The following CCDC149 variants were observed in gnomAD, a reference collection of about 807,000 sequenced individuals.
CCDC149 encodes coiled-coil domain-containing protein 149.
In CCDC149, 45 loss-of-function variants were observed where a neutral mutation model predicts 59.9. The ratio of observed to expected loss-of-function variants is 0.75; its 90% CI spans 0.59 to 0.96. The LOEUF is 0.96. CCDC149 is among the 40% of genes least tolerant of loss of function. The pLI is 0.00. For synonymous variants in CCDC149, 245 were observed against 260.6 expected (o/e 0.94, Z 0.58); for missense variants, 584 against 664.7 (o/e 0.88, Z 1.33).
chr4:24,831,588 C>A lies in CCDC149; in HGVS notation c.883G>T (p.Asp295Tyr). The A allele has an allele frequency of 6.2e-7, 1 of 1,614,100 alleles. No individual in the cohort carries two copies. The highest frequency in any genetic ancestry group is 2.2e-5 in the East Asian group (1 of 44,872). Reference sequence around the variant, plus strand: ...AGGGCTGTTGCCAGAGATTTCAGGTCAGAAATGGACTGCGGAGTAGCTGGG... The same window carrying A: ...AGGGCTGTTGCCAGAGATTTCAGGTAAGAAATGGACTGCGGAGTAGCTGGG... Residue 295 changes from aspartate (D) to tyrosine (Y), a missense_variant, in exon 9 of 13, where the codon GAC becomes TAC. Coordinates refer to ENST00000635206, the MANE Select transcript of CCDC149 (RefSeq NM_001330643.2).
intron 12 of CCDC149, among the ~76,000 whole-genome samples, chr4:24,813,494 A>ATCTATATCTATATATATC (rs1250098770): frequency 1.3e-3 from 9 of 6,950 alleles, no homozygotes; most frequent in African/African-American, 2.0e-3. Context: ...TGGGGAATAT[A>ATCTATATCTATATATATC]TATATATATA....
At chr4:24,871,344 C>T (rs780652993) in intron 3 of CCDC149, among the ~76,000 whole-genome samples, 3 of 152,154 alleles carry the variant, frequency 2.0e-5, no homozygotes, top group Non-Finnish European at 2.9e-5. Context: ...GGTACAGCAT[C>T]AATGAGCACA....
intron 1 of CCDC149, among the ~76,000 whole-genome samples, chr4:24,890,591 C>G (rs903277131): frequency 6.6e-6 from 1 of 152,200 alleles, no homozygotes; most frequent in African/African-American, 2.4e-5. Flanking sequence ...AATCTCCATT[C>G]CTAAATGTGT....
intron 1 of CCDC149, among the ~76,000 whole-genome samples, chr4:24,961,542 C>A (rs576765671): frequency 6.6e-6 from 1 of 152,278 alleles, no homozygotes; most frequent in Admixed American, 6.5e-5. Context: ...AGGCATCATG[C>A]TACCTGACTT....
Position 24,912,801 on chromosome 4 carries a change from G to T in CCDC149, c.63+16C>A. The T allele has an allele frequency of 7.6e-7, 1 of 1,316,142 alleles. No individual in the cohort carries two copies. Among genetic ancestry groups the T allele is most frequent in the African/African-American group, 1.5e-5 (1 of 64,994 alleles). 81.5% of individuals were successfully genotyped at this position (1,316,142 alleles called of 1,614,324 possible). On this transcript the variant is annotated intron_variant, in intron 1 of 12. Transcript: ENST00000635206. ...TCGGCCCGGCCCATCCCGCCTGGCCGGCGCCGCGGCCTCACCTCGCTCACC... is the reference window on the plus strand; with the variant it reads ...TCGGCCCGGCCCATCCCGCCTGGCCTGCGCCGCGGCCTCACCTCGCTCACC...
At chr4:24,954,963 TTAAA>T (rs574970511) in intron 1 of CCDC149, among the ~76,000 whole-genome samples, 112 of 152,344 alleles carry the variant, frequency 7.4e-4, no homozygotes, top group African/African-American at 2.6e-3. Context: ...TAATTATAAA[TTAAA>T]TAATTTCTCT....
At chr4:24,913,246 G>A (rs1272612704), upstream of CCDC149, among the ~76,000 whole-genome samples, 1 of 152,104 alleles carries the variant, frequency 6.6e-6, no homozygotes, top group Non-Finnish European at 1.5e-5. Flanking sequence ...CGCGGGAGGC[G>A]GGCCCCACGG....
rs570109377 is a variant in CCDC149 at position 24,870,097 on chromosome 4, A to T, written c.264+3584T>A. Among the ~76,000 whole-genome samples, 3 of 152,358 alleles carry T rather than the reference A, an allele frequency of 2.0e-5. No individual in the cohort carries two copies. The South Asian group carries it at 6.2e-4, about 32-fold the overall frequency. ...GATGTGCTTAAGTCGGCAAAGTGGT[A>T]GAGTTGTCAGGTAAACTACAGAATG... On this transcript the variant is annotated intron_variant, in intron 3 of 12. Transcript: ENST00000635206.
chr4:24,814,953 A>T (rs1242143143), intron 12 of CCDC149, among the ~76,000 whole-genome samples: 1 of 152,214 alleles, frequency 6.6e-6, no homozygotes, highest in Non-Finnish European at 1.5e-5. Flanking sequence ...GAACTTCAAG[A>T]GTCAGCTCCA....
intron 3 of CCDC149, among the ~76,000 whole-genome samples, chr4:24,861,330 T>A (rs1434936643): frequency 1.3e-5 from 2 of 152,084 alleles, no homozygotes; most frequent in Non-Finnish European, 2.9e-5. Flanking sequence ...TAATGGCATT[T>A]TCAGCAATCT....
chr4:24,889,750 A>G (rs1221712223), intron 1 of CCDC149, among the ~76,000 whole-genome samples: 1 of 152,240 alleles, frequency 6.6e-6, no homozygotes, highest in Non-Finnish European at 1.5e-5. Flanking sequence ...GTAAGAAGTC[A>G]GCAAAGCATG....
chr4:24,968,575 C>T (rs181919074), intron 1 of CCDC149, among the ~76,000 whole-genome samples: 80 of 152,344 alleles, frequency 5.3e-4, no homozygotes, highest in African/African-American at 1.6e-3. Context: ...CCTGAGCCTT[C>T]GCCATTTAAG....
chr4:24,853,374 C>A, intron 3 of CCDC149, 195 bp from the exon 4 acceptor site: 1 of 567,210 alleles, frequency 1.8e-6, no homozygotes, highest in African/African-American at 1.9e-5. Flanking sequence ...TGAAGTTGGC[C>A]ATGAACCTCA....
chr4:24,851,421 C>A (rs1430175062), intron 4 of CCDC149, among the ~76,000 whole-genome samples: 1 of 152,192 alleles, frequency 6.6e-6, no homozygotes, highest in Non-Finnish European at 1.5e-5. Context: ...TGCCACCACG[C>A]CTGGCTGCTC....
At chr4:24,847,006 C>T (rs1053577944) in intron 4 of CCDC149, among the ~76,000 whole-genome samples, 4 of 152,164 alleles carry the variant, frequency 2.6e-5, no homozygotes, top group African/African-American at 4.8e-5. Flanking sequence ...AAGGAGCACA[C>T]AAAATGCAAG....
At chr4:24,831,875 GATA>G (rs1716176312) in intron 8 of CCDC149, among the ~76,000 whole-genome samples, 1 of 152,186 alleles carries the variant, frequency 6.6e-6, no homozygotes, top group Non-Finnish European at 1.5e-5. Context: ...TTTTTAAGAA[GATA>G]ATAATATTTG....
At chr4:24,806,017 T>C (rs1354553748), downstream of CCDC149, 2 of 152,196 alleles carry the variant, frequency 1.3e-5, no homozygotes, top group Admixed American at 1.3e-4. Context: ...GGCTTGAAGC[T>C]GAGAGGACCA....
At chr4:24,843,480 T>A (rs897146282) in intron 4 of CCDC149, among the ~76,000 whole-genome samples, 3 of 152,218 alleles carry the variant, frequency 2.0e-5, no homozygotes, top group Admixed American at 6.5e-5. Context: ...CCTGACCTTT[T>A]GCAAATACCT....
At chr4:24,824,637 C>T (rs1715611837) in intron 9 of CCDC149, among the ~76,000 whole-genome samples, 1 of 152,134 alleles carries the variant, frequency 6.6e-6, no homozygotes, top group Non-Finnish European at 1.5e-5. Flanking sequence ...TGTCTTTCCC[C>T]AGCCCCCAGC....
Sources: allele counts gnomAD v4.1 joint callset (sites outside exome capture counted in the v4.1 genomes callset), GRCh38; gene constraint gnomAD v4.1.1; transcripts MANE v1.5; gene names NCBI Gene and HGNC (gene_info 2026-07-23, HGNC 2026-07-21).